The following CERS4 variants were observed in gnomAD, a reference collection of about 807,000 sequenced individuals.
CERS4 encodes LAG1 homolog, ceramide synthase 4.
CERS4 carries 65 observed loss-of-function variants against 51.8 expected under a neutral mutation model. The ratio of observed to expected loss-of-function variants is 1.26; its 90% CI spans 1.03 to 1.54. The LOEUF (loss-of-function observed/expected upper bound fraction) is 1.54, where lower values mean the gene tolerates loss of function less well. Ranked by LOEUF, CERS4 falls within the 40% of genes most tolerant of loss-of-function variation. CERS4 has a pLI of 0.00. For synonymous variants in CERS4, 228 were observed against 208.4 expected (o/e 1.09, Z -0.81); for missense variants, 563 against 500.4 (o/e 1.13, Z -1.19).
intron 2 of CERS4, among the ~76,000 whole-genome samples, chr19:8,238,374 C>A (rs1445984423): frequency 1.3e-5 from 2 of 152,088 alleles, no homozygotes; most frequent in African/African-American, 4.8e-5. Flanking sequence ...TAATCTGATC[C>A]AGGACTTGAA....
rs755418014 is a variant in CERS4, at chr19:8,261,750, T to A, written c.911T>A (p.Phe304Tyr). 44 of 1,613,402 alleles carry A rather than the reference T, an allele frequency of 2.7e-5. No individual in the cohort carries two copies. In the South Asian group the frequency reaches 2.9e-4, roughly 10 times the overall value. The change falls in exon 11 of 12, where the codon TTC (phenylalanine) becomes TAC (tyrosine). Residue 304 changes from phenylalanine (F) to tyrosine (Y), a missense_variant. By Grantham distance (22) the Phe-to-Tyr change is conservative. Transcript: ENST00000251363. ...AGGGGCCCCTTCTTCGGCTACTACT[T>A]CTTCAACGGGCTTCTGATGTTGCTG... is the stretch of plus-strand genomic sequence containing the variant. The part of the protein sequence containing the change: ...SNRGPFFGYY[F>Y]FNGLLMLLQL...
chr19:8,235,221 A>C (rs1391837828), intron 2 of CERS4, among the ~76,000 whole-genome samples: 11 of 150,764 alleles, frequency 7.3e-5, no homozygotes, highest in South Asian at 4.2e-4. Flanking sequence ...GTTGGCCAAG[A>C]TGGTCTTGAT....
intron 8 of CERS4, 84 bp from the exon 9 acceptor site, chr19:8,256,865 G>T: frequency 1.2e-6 from 2 of 1,605,570 alleles, no homozygotes; most frequent in Non-Finnish European, 1.7e-6. Context: ...CCAACCCCCT[G>T]AAAGGACCCA....
At chr19:8,256,878 T>G in intron 8 of CERS4, 71 bp from the exon 9 acceptor site, 1 of 1,610,482 alleles carries the variant, frequency 6.2e-7, no homozygotes. Context: ...AGGACCCACT[T>G]CTTGGCCCAT....
chr19:8,237,565 A>G (rs1387379419), intron 2 of CERS4, among the ~76,000 whole-genome samples: 3 of 151,532 alleles, frequency 2.0e-5, no homozygotes, highest in Non-Finnish European at 4.4e-5. Flanking sequence ...AACAGAAAAA[A>G]GTAGGCCAGG....
At chr19:8,220,743 C>T (rs114191197) in intron 2 of CERS4, among the ~76,000 whole-genome samples, 2,568 of 152,208 alleles carry the variant, frequency 0.017, 67 homozygotes, top group African/African-American at 0.059. Flanking sequence ...CTCCCAGAAT[C>T]GGTCCCTCCC....
At chr19:8,235,854 C>T (rs932575128) in intron 2 of CERS4, among the ~76,000 whole-genome samples, 3 of 151,706 alleles carry the variant, frequency 2.0e-5, no homozygotes, top group African/African-American at 7.3e-5. Context: ...TGTGATCGTG[C>T]CACTGTAGTC....
At chr19:8,254,342 A>AAAAAAAG in intron 3 of CERS4, among the ~76,000 whole-genome samples, 157 bp from the exon 4 acceptor site, 1 of 148,770 alleles carries the variant, frequency 6.7e-6, no homozygotes, top group Admixed American at 6.7e-5. Flanking sequence ...AAAAAAAAAA[A>AAAAAAAG]GTCTTACACA....
At chr19:8,233,356 G>A (rs1260078138) in intron 2 of CERS4, among the ~76,000 whole-genome samples, 5 of 151,816 alleles carry the variant, frequency 3.3e-5, no homozygotes, top group Admixed American at 2.0e-4. Context: ...TAGTAGAGAC[G>A]GGGTTTCACC....
rs1444436284 is a variant in CERS4 at position 8,256,970 on chromosome 19, C to T, written c.634C>T (p.His212Tyr). ...GCAGGATTTCAAGGAGCAGGTGATA[C>T]ACCACTTCGTGGCGGTCATCCTGAT... Reference protein sequence around the residue: ...KRKDFKEQVIHHFVAVILMTF... With the variant: ...KRKDFKEQVIYHFVAVILMTF... The change falls in exon 9 of 12, where the codon CAC becomes TAC. Residue 212 changes from histidine (H) to tyrosine (Y), a missense_variant. Physicochemically the swap from His to Tyr is moderately conservative, Grantham distance 83 (BLOSUM62 2). Transcript: ENST00000251363. The T allele has an allele frequency of 6.2e-7, 1 of 1,614,180 alleles. No individual in the cohort carries two copies. The highest frequency in any genetic ancestry group is 1.1e-5 in the South Asian group (1 of 91,086).
chr19:8,258,107 G>A, intron 10 of CERS4, 122 bp downstream of exon 10: 1 of 799,842 alleles, frequency 1.3e-6, no homozygotes, highest in Non-Finnish European at 2.1e-6. Context: ...AGTTCCAGGA[G>A]GAGGCAGGGA....
chr19:8,218,949 G>A (rs1189487170), intron 2 of CERS4, among the ~76,000 whole-genome samples: 1 of 152,210 alleles, frequency 6.6e-6, no homozygotes, highest in South Asian at 2.1e-4. Context: ...GCTCATGCCT[G>A]TAATCCCAGC....
At chr19:8,236,264 T>C (rs1196698764) in intron 2 of CERS4, among the ~76,000 whole-genome samples, 3 of 152,246 alleles carry the variant, frequency 2.0e-5, no homozygotes, top group East Asian at 3.8e-4. Context: ...TGTCATTTGG[T>C]GTACCAGAGT....
At chr19:8,230,460 G>C (rs1967964638) in intron 2 of CERS4, among the ~76,000 whole-genome samples, 1 of 152,144 alleles carries the variant, frequency 6.6e-6, no homozygotes, top group African/African-American at 2.4e-5. Flanking sequence ...AAAGTGCTGG[G>C]ATTACAGGCG....
intron 7 of CERS4, 151 bp downstream of exon 7, chr19:8,256,437 C>A: frequency 1.1e-6 from 1 of 932,820 alleles, no homozygotes; most frequent in Admixed American, 3.4e-5. Context: ...TAGAGAGGGG[C>A]CAGAAAACCA....
intron 2 of CERS4, among the ~76,000 whole-genome samples, chr19:8,243,647 CTTT>C (rs75963706): frequency 8.3e-5 from 12 of 145,114 alleles, no homozygotes; most frequent in African/African-American, 2.5e-4. Flanking sequence ...CAGTCTCTTC[CTTT>C]TTTTTTTTTT....
At chr19:8,237,369 T>C (rs183371065) in intron 2 of CERS4, among the ~76,000 whole-genome samples, 285 of 151,856 alleles carry the variant, frequency 1.9e-3, no homozygotes, top group African/African-American at 6.5e-3. Context: ...CTGGCCAACA[T>C]TGTGAAACCC....
At chr19:8,241,188 G>C (rs2145248409) in intron 2 of CERS4, among the ~76,000 whole-genome samples, 1 of 152,248 alleles carries the variant, frequency 6.6e-6, no homozygotes, top group Admixed American at 6.5e-5. Context: ...TCAGATGCTG[G>C]AAACCGTCCT....
chr19:8,221,114 T>C (rs1431856381), intron 2 of CERS4, among the ~76,000 whole-genome samples: 1 of 151,614 alleles, frequency 6.6e-6, no homozygotes, highest in Non-Finnish European at 1.5e-5. Flanking sequence ...CGTGAGCCAC[T>C]GTGCCCGGCC....
Sources: gnomAD v4.1 joint callset for allele counts (sites outside exome capture counted in the v4.1 genomes callset) on GRCh38, gnomAD v4.1.1 for gene constraint, MANE v1.5 for transcripts, NCBI Gene and HGNC (gene_info 2026-07-23, HGNC 2026-07-21) for gene names.